The following CANX variants were observed in gnomAD, a reference collection of about 807,000 sequenced individuals.
CANX encodes calnexin.
CANX carries 14 observed loss-of-function variants against 75.7 expected under a neutral mutation model. That is an observed-to-expected ratio of 0.19 (90% CI 0.12 to 0.29). The LOEUF is 0.29. CANX is among the 10% of genes least tolerant of loss of function. CANX has a pLI of 1.00. For synonymous variants in CANX, 227 were observed against 236.9 expected, an observed-to-expected ratio of 0.96 and a Z score of 0.38; for missense variants, 567 against 713.2, an observed-to-expected ratio of 0.79 and a Z score of 2.34.
At position 179,716,262 on chromosome 5, in the gene CANX, C is replaced by T; in HGVS notation, c.879C>T (p.Ile293=). The T allele has an allele frequency of 6.2e-7, 1 of 1,614,086 alleles. No individual in the cohort carries two copies. The highest frequency in any genetic ancestry group is 8.5e-7 in the Non-Finnish European group (1 of 1,179,968). ...AGGATTGGGATGAAAGACCAAAAAT[C>T]CCAGATCCAGAAGCTGTCAAGCCAG... ...KPEDWDERPK[I]PDPEAVKPDD... Residue 293 remains isoleucine (I), a synonymous_variant, in exon 8 of 15, where the codon ATC becomes ATT. Coordinates refer to ENST00000247461, the MANE Select transcript of CANX (RefSeq NM_001746.4).
At chr5:179,699,279 T>C (rs562932645) in intron 1 of CANX, among the ~76,000 whole-genome samples, 177 bp downstream of exon 1, 66 of 152,106 alleles carry the variant, frequency 4.3e-4, no homozygotes, top group African/African-American at 1.6e-3. Flanking sequence ...TCCGGGCGTC[T>C]TTGGTTGGGT....
At chr5:179,698,566 G>T (rs999113600), upstream of CANX, 6 of 1,289,424 alleles carry the variant, frequency 4.7e-6, no homozygotes, top group Non-Finnish European at 6.1e-6. Flanking sequence ...CGAAGGGCGC[G>T]CGATGCGTCC....
At chr5:179,702,460 T>C (rs1317131341) in intron 1 of CANX, among the ~76,000 whole-genome samples, 1 of 149,786 alleles carries the variant, frequency 6.7e-6, no homozygotes, top group Non-Finnish European at 1.5e-5. Flanking sequence ...TGTTTGTGAA[T>C]TGCTTATTTT....
chr5:179,679,358 GGCTGCGGCTGTGTCTCACCA>G, intron 1 of CANX: 1 of 1,105,524 alleles, frequency 9.0e-7, no homozygotes, highest in African/African-American at 1.6e-5. Context: ...CTGCAGCTAC[GGCTGCGGCTGTGTCTCACCA>G]GCTGCTGGCC....
At chr5:179,709,212 GA>G (rs1777357270) in intron 6 of CANX, among the ~76,000 whole-genome samples, 153 bp downstream of exon 6, 1 of 152,124 alleles carries the variant, frequency 6.6e-6, no homozygotes, top group Non-Finnish European at 1.5e-5. Context: ...TCAGGAGATT[GA>G]GACTATCTGG....
At chr5:179,700,615 A>C (rs922573653) in intron 1 of CANX, 2 of 153,202 alleles carry the variant, frequency 1.3e-5, no homozygotes, top group Non-Finnish European at 2.9e-5. Context: ...CTTATCTGCA[A>C]ATGGCTGTCA....
chr5:179,711,868 C>T (rs140536089), intron 7 of CANX, among the ~76,000 whole-genome samples: 3,741 of 147,994 alleles, frequency 0.025, 78 homozygotes, highest in Non-Finnish European at 0.037. Flanking sequence ...GAGGCTGAGG[C>T]GAGCAGATCA....
At chr5:179,683,317 TAG>T (rs1355078076) in intron 1 of CANX, among the ~76,000 whole-genome samples, 1 of 151,382 alleles carries the variant, frequency 6.6e-6, no homozygotes, top group Non-Finnish European at 1.5e-5. Context: ...TTTTTTTTAG[TAG>T]AGATGGGGTT....
chr5:179,719,618 C>T, intron 8 of CANX, 50 bp from the exon 9 acceptor site: 1 of 1,019,016 alleles, frequency 9.8e-7, no homozygotes, highest in East Asian at 2.4e-5. Context: ...CAAAGTGGTA[C>T]TATACTGTGA....
At chr5:179,680,748 C>A in intron 1 of CANX, 1 of 658,518 alleles carries the variant, frequency 1.5e-6, no homozygotes, top group Non-Finnish European at 2.6e-6. Context: ...GTTTCTAATT[C>A]CTCTTCTGCC....
chr5:179,707,350 C>T (rs933760639), intron 4 of CANX, among the ~76,000 whole-genome samples, 160 bp downstream of exon 4: 3 of 152,078 alleles, frequency 2.0e-5, no homozygotes, highest in Non-Finnish European at 2.9e-5. Context: ...TTTCGGAAGC[C>T]AAGGCGGGCA....
In CANX at chr5:179,716,102, C is replaced by A; in HGVS notation, c.722-3C>A. Reference sequence around the variant, plus strand: ...TTTTAATTCCATTTAATGTTTCTTTCAGTCTTGAATCCAGATAATAGTTTT... The same window carrying A: ...TTTTAATTCCATTTAATGTTTCTTTAAGTCTTGAATCCAGATAATAGTTTT... On this transcript the variant is annotated splice_region_variant and splice_polypyrimidine_tract_variant and intron_variant, in intron 7 of 14. Coordinates refer to ENST00000247461, the MANE Select transcript of CANX (RefSeq NM_001746.4). The A allele has an allele frequency of 1.3e-6, 2 of 1,589,998 alleles. No homozygotes were observed. The highest frequency in any genetic ancestry group is 1.1e-5 in the South Asian group (1 of 90,244).
rs1778823402 is a variant in CANX, at chr5:179,728,706, G to GT, written c.*62_*63insT. 8.5e-7 allele frequency: 1 copy of GT among 1,173,214 alleles called. No individual in the cohort carries two copies. Among genetic ancestry groups the GT allele is most frequent in the Non-Finnish European group, 1.3e-6 (1 of 781,366 alleles). The allele number at this position is 1,173,214 out of a possible 1,614,324, so 72.7% of individuals were successfully genotyped here. A position where few individuals can be genotyped will look rare whatever the true frequency, so the allele number is the denominator to read the frequency against. ...CTCCTCCCCTGCAAGAGTGGTCCTA[G>GT]GAGAGGACCTGGCACACCTTAGGTT... On this transcript the variant is annotated 3_prime_UTR_variant, in exon 15 of 15. Coordinates refer to ENST00000247461, the MANE Select transcript of CANX (RefSeq NM_001746.4).
Position 179,699,048 on chromosome 5 carries a change from A to C in CANX, c.-58A>C. The C allele has an allele frequency of 2.7e-6, 3 of 1,109,600 alleles. No homozygotes were observed. Among genetic ancestry groups the C allele is most frequent in the Non-Finnish European group, 3.3e-6 (3 of 902,326 alleles). The allele number at this position is 1,109,600 out of a possible 1,614,324, so 68.7% of individuals were successfully genotyped here. ...TCTCTCTTTACTGCGGCGCGGGGCA[A>C]GGTGTGCGGGCGGGAAGGGGCACGG... On this transcript the variant is annotated 5_prime_UTR_variant, in exon 1 of 15. Coordinates refer to ENST00000247461, the MANE Select transcript of CANX (RefSeq NM_001746.4).
At chr5:179,705,365 C>G (rs953740322) in intron 1 of CANX, among the ~76,000 whole-genome samples, 2 of 152,092 alleles carry the variant, frequency 1.3e-5, no homozygotes, top group African/African-American at 4.8e-5. Context: ...TTGTAAAGCA[C>G]TTTACAAATG....
intron 1 of CANX, among the ~76,000 whole-genome samples, chr5:179,686,076 T>C (rs553562563): frequency 1.3e-5 from 2 of 151,340 alleles, no homozygotes; most frequent in East Asian, 3.9e-4. Flanking sequence ...ATTTGTTATC[T>C]ATTTTGATGA....
chr5:179,708,483 T>G (rs1374125252), intron 5 of CANX, 103 bp downstream of exon 5: 3 of 1,052,002 alleles, frequency 2.9e-6, no homozygotes, highest in Non-Finnish European at 4.1e-6. Flanking sequence ...ATTATATAAG[T>G]GGTGGTAGGG....
At chr5:179,693,285 A>T (rs909415290) in intron 1 of CANX, among the ~76,000 whole-genome samples, 1 of 152,190 alleles carries the variant, frequency 6.6e-6, no homozygotes. Context: ...CACACCTGTA[A>T]TATCAGCACT....
At chr5:179,715,086 A>C (rs1777843539) in intron 7 of CANX, among the ~76,000 whole-genome samples, 1 of 152,226 alleles carries the variant, frequency 6.6e-6, no homozygotes, top group South Asian at 2.1e-4. Flanking sequence ...AAGAGTGTGA[A>C]GTTCTTCCTC....
Sources: allele counts gnomAD v4.1 joint callset (sites outside exome capture counted in the v4.1 genomes callset), GRCh38; gene constraint gnomAD v4.1.1; transcripts MANE v1.5; gene names NCBI Gene and HGNC (gene_info 2026-07-23, HGNC 2026-07-21).